NCOA1: variants seen among roughly 807,000 people sequenced by gnomAD.
The protein encoded by NCOA1 is nuclear receptor coactivator 1, also known as Hin-2 protein.
Under a neutral mutation model 150.9 loss-of-function variants are expected in NCOA1, and 35 were observed. The ratio of observed to expected loss-of-function variants is 0.23; its 90% CI spans 0.18 to 0.31. The LOEUF (loss-of-function observed/expected upper bound fraction) is 0.31, where lower values mean the gene tolerates loss of function less well. Ranked by LOEUF, NCOA1 falls within the 10% of genes least tolerant of loss-of-function variation. The pLI, the probability that NCOA1 is intolerant of heterozygous loss-of-function variation, is 1.00. For missense variants in NCOA1, 1,491 were observed against 1,749.3 expected, an observed-to-expected ratio of 0.85 and a Z score of 2.63; for synonymous variants, 590 against 630.0, an observed-to-expected ratio of 0.94 and a Z score of 0.95.
chr2:24,640,738 A>G (rs1423348008), intron 3 of NCOA1, among the ~76,000 whole-genome samples: 6 of 152,136 alleles, frequency 3.9e-5, no homozygotes, highest in Non-Finnish European at 7.3e-5. Flanking sequence ...CTAGTCCTGA[A>G]GTCTACTTTC....
At chr2:24,680,863 C>A (rs1672130297) in intron 7 of NCOA1, among the ~76,000 whole-genome samples, 1 of 152,004 alleles carries the variant, frequency 6.6e-6, no homozygotes, top group African/African-American at 2.4e-5. Flanking sequence ...AAAAAACAAT[C>A]ATCTTAGCTG....
chr2:24,749,423 C>T (rs1352187862), intron 19 of NCOA1, among the ~76,000 whole-genome samples: 2 of 152,182 alleles, frequency 1.3e-5, no homozygotes, highest in Admixed American at 6.5e-5. Flanking sequence ...TGCGCGCACG[C>T]GGGCATGCGT....
chr2:24,745,981 C>T (rs960538833), intron 19 of NCOA1, among the ~76,000 whole-genome samples: 1 of 152,232 alleles, frequency 6.6e-6, no homozygotes, highest in African/African-American at 2.4e-5. Context: ...TTCCTGGACA[C>T]TCCCAATCAT....
chr2:24,606,917 G>A (rs888640466), intron 3 of NCOA1, among the ~76,000 whole-genome samples: 3 of 152,102 alleles, frequency 2.0e-5, no homozygotes, highest in Non-Finnish European at 4.4e-5. Flanking sequence ...GCACCTCAGA[G>A]CAATGCATAA....
At chr2:24,722,330 C>T (rs549265302) in intron 14 of NCOA1, among the ~76,000 whole-genome samples, 2 of 152,308 alleles carry the variant, frequency 1.3e-5, no homozygotes, top group South Asian at 4.2e-4. Context: ...TATGAGGGTA[C>T]TGTTGATCAG....
chr2:24,706,194 A>G (rs375917868), intron 12 of NCOA1, among the ~76,000 whole-genome samples: 1 of 152,120 alleles, frequency 6.6e-6, no homozygotes, highest in East Asian at 1.9e-4. Context: ...TTTCAACCAA[A>G]AAATTATTAT....
intron 14 of NCOA1, among the ~76,000 whole-genome samples, chr2:24,722,011 G>GA: frequency 6.6e-6 from 1 of 152,124 alleles, no homozygotes. Context: ...TTTTTGAAGA[G>GA]AAAATAAAAT....
At chr2:24,758,492 A>C in intron 21 of NCOA1, among the ~76,000 whole-genome samples, 1 of 151,960 alleles carries the variant, frequency 6.6e-6, no homozygotes, top group South Asian at 2.1e-4. Flanking sequence ...CACCCTGCCC[A>C]GCTAATTTTT....
At chr2:24,595,814 T>A (rs147833505) in intron 3 of NCOA1, among the ~76,000 whole-genome samples, 3 of 152,250 alleles carry the variant, frequency 2.0e-5, no homozygotes, top group Non-Finnish European at 4.4e-5. Context: ...ATACAAAGCT[T>A]TTATGGGCAC....
intron 14 of NCOA1, among the ~76,000 whole-genome samples, chr2:24,719,225 G>A (rs1340231398): frequency 6.6e-6 from 1 of 151,870 alleles, no homozygotes; most frequent in Non-Finnish European, 1.5e-5. Flanking sequence ...TTTTTTTTAA[G>A]CTCTCAAACA....
intron 7 of NCOA1, among the ~76,000 whole-genome samples, chr2:24,674,279 C>T (rs1358464942): frequency 6.7e-6 from 1 of 149,260 alleles, no homozygotes; most frequent in Non-Finnish European, 1.5e-5. Flanking sequence ...GGTCTCGGTT[C>T]ACTGCAAGCT....
At chr2:24,730,200 GCT>G (rs1344103853) in intron 17 of NCOA1, among the ~76,000 whole-genome samples, 58 of 152,162 alleles carry the variant, frequency 3.8e-4, no homozygotes, top group African/African-American at 1.3e-3. Context: ...CAGCCCAGTT[GCT>G]ACAATAAAAG....
chr2:24,770,040 T>C lies in NCOA1; in HGVS notation c.*1649T>C, dbSNP rs1409338617. On this transcript the variant is annotated 3_prime_UTR_variant, in exon 23 of 23. Transcript: ENST00000348332. ...CCACCCCTAGTTACAAATAACTCCA[T>C]TGAACAGCATCTATTCAGAAACTAT... The C allele has an allele frequency of 2.2e-5, 5 of 228,776 alleles. No homozygotes were observed. The highest frequency in any genetic ancestry group is 6.7e-5 in the African/African-American group (3 of 45,080). 14.2% of individuals were successfully genotyped at this position (228,776 alleles called of 1,614,324 possible). A position where few individuals can be genotyped will look rare whatever the true frequency, so the allele number is the denominator to read the frequency against.
intron 20 of NCOA1, among the ~76,000 whole-genome samples, chr2:24,755,057 A>G (rs543108806): frequency 6.6e-5 from 10 of 152,292 alleles, no homozygotes; most frequent in Non-Finnish European, 1.3e-4. Context: ...TCACCTGGAG[A>G]CAGTGACCAC....
chr2:24,629,813 CATACATATATATATATATAT>C (rs1475224790), intron 3 of NCOA1, among the ~76,000 whole-genome samples: 12 of 77,340 alleles, frequency 1.6e-4, no homozygotes, highest in South Asian at 4.7e-4. Flanking sequence ...AAGTAACATA[CATACATATATATATATATAT>C]ATATATATAT....
intron 3 of NCOA1, among the ~76,000 whole-genome samples, chr2:24,602,293 C>T (rs1461966638): frequency 1.3e-5 from 2 of 152,058 alleles, no homozygotes; most frequent in African/African-American, 2.4e-5. Flanking sequence ...CTCGACCTCC[C>T]AGGCCCAAGC....
At position 24,739,536 on chromosome 2, in the gene NCOA1, A is replaced by G. The variant is rs1223516828; in HGVS notation, c.3303+3A>G. On this transcript the variant is annotated splice_donor_region_variant and intron_variant, in intron 18 of 22. Transcript: ENST00000348332. Reference sequence around the variant, plus strand: ...TGCAACAGCAAATTACACCTCAGGTAATGTGAGAAAACCAGACGTCATTAG... The same window carrying G: ...TGCAACAGCAAATTACACCTCAGGTGATGTGAGAAAACCAGACGTCATTAG... 2 of 1,604,926 alleles carry G rather than the reference A, an allele frequency of 1.2e-6. No homozygotes were observed. Among genetic ancestry groups the G allele is most frequent in the East Asian group, 2.2e-5 (1 of 44,844 alleles).
chr2:24,664,734 T>C (rs1671336533), intron 5 of NCOA1, among the ~76,000 whole-genome samples: 1 of 152,070 alleles, frequency 6.6e-6, no homozygotes, highest in Middle Eastern at 3.4e-3. Flanking sequence ...AAAAGAAAAG[T>C]AAATGGTATC....
intron 1 of NCOA1, among the ~76,000 whole-genome samples, chr2:24,498,410 A>G (rs1480041420): frequency 2.0e-5 from 3 of 152,222 alleles, no homozygotes; most frequent in African/African-American, 7.2e-5. Flanking sequence ...TACCTATAAT[A>G]GTAATTGAAT....
Sources: allele counts gnomAD v4.1 joint callset (sites outside exome capture counted in the v4.1 genomes callset), GRCh38; gene constraint gnomAD v4.1.1; transcripts MANE v1.5; gene names NCBI Gene and HGNC (gene_info 2026-07-23, HGNC 2026-07-21).